Variants in NCOA3 observed in about 807,000 individuals in gnomAD.
NCOA3 encodes nuclear receptor coactivator 3, also known as CBP-interacting protein.
In NCOA3, 51 loss-of-function variants were observed where a neutral mutation model predicts 158.8. The observed-to-expected ratio is 0.32, with a 90% CI of 0.26 to 0.41. NCOA3 has a LOEUF of 0.41. Among genes scored for constraint, NCOA3 ranks in the 10% least tolerant of loss-of-function variants. The pLI, the probability that NCOA3 is intolerant of heterozygous loss-of-function variation, is 1.00. For synonymous variants in NCOA3, 537 were observed against 592.4 expected, an observed-to-expected ratio of 0.91 and a Z score of 1.36; for missense variants, 1,510 against 1,746.6, an observed-to-expected ratio of 0.86 and a Z score of 2.41.
intron 1 of NCOA3, among the ~76,000 whole-genome samples, chr20:47,557,911 T>A (rs574484009): frequency 6.6e-6 from 1 of 152,244 alleles, no homozygotes; most frequent in South Asian, 2.1e-4. Context: ...CAAATTTATT[T>A]TCTTAGAGTT....
chr20:47,584,042 C>T (rs1377739420), intron 2 of NCOA3, among the ~76,000 whole-genome samples: 1 of 152,160 alleles, frequency 6.6e-6, no homozygotes, highest in Non-Finnish European at 1.5e-5. Context: ...CAACTATGAT[C>T]CTAGCACTTT....
rs2086201826 is a variant in NCOA3 at position 47,619,635 on chromosome 20, AC to A, written c.-19-2591del. ...ACTTCAGCCTGGGTGACACAGTAAG[AC>A]CCTGTCTTTAAAAAAAAAAAAAAAA... is the stretch of plus-strand genomic sequence containing the variant. On this transcript the variant is annotated intron_variant, in intron 2 of 22. Transcript: ENST00000371998. Among the ~76,000 whole-genome samples the A allele has an allele frequency of 2.0e-5, 3 of 148,944 alleles. No homozygotes were observed. The Admixed American group carries it at 2.0e-4, about 10-fold the overall frequency.
chr20:47,550,843 A>G (rs1047618858), intron 1 of NCOA3, among the ~76,000 whole-genome samples: 4 of 152,200 alleles, frequency 2.6e-5, no homozygotes, highest in Non-Finnish European at 5.9e-5. Flanking sequence ...ATTCACTGAC[A>G]GTGAAAAGTG....
rs114728668 is a variant in NCOA3, at chr20:47,640,354, G to A, written c.3080+303G>A. The stretch of plus-strand genomic sequence containing the variant: ...ATTGTCTCTCTAGTCCCATGAGGAG[G>A]GGAAAAAAGATAAGTACATGTTTCT... On this transcript the variant is annotated intron_variant, in intron 16 of 22. Transcript: ENST00000371998. Among the ~76,000 whole-genome samples, 227 of 152,120 alleles carry A rather than the reference G, an allele frequency of 1.5e-3. 2 individuals carry two copies. Among genetic ancestry groups the A allele is most frequent in the African/African-American group, 5.1e-3 (213 of 41,514 alleles).
chr20:47,534,918 C>CTT (rs902141620), intron 1 of NCOA3, among the ~76,000 whole-genome samples: 1 of 146,924 alleles, frequency 6.8e-6, no homozygotes. Context: ...CCATCTCTCT[C>CTT]TTTTTTTTTT....
At position 47,647,320 on chromosome 20, in the gene NCOA3, C is replaced by A. The variant is rs370656650; in HGVS notation, c.3500C>A (p.Pro1167His). ...ATCATGAGACCCCGGACAAACACCC[C>A]CAAGCAACTTAGAATGCAGCTTCAG... ...ANIMRPRTNT[P>H]KQLRMQLQQR... Residue 1167 changes from proline (P) to histidine (H), a missense_variant, in exon 18 of 23, where the codon CCC (proline) becomes CAC (histidine). Physicochemically the swap from Pro to His is moderately conservative, Grantham distance 77. This residue lies in a region of NCOA3 where 1,017 missense variants were observed against 1,098.3 expected (regional missense o/e 0.93). Coordinates refer to ENST00000371998, the MANE Select transcript of NCOA3 (RefSeq NM_181659.3). 3.1e-6 allele frequency: 5 copies of A among 1,614,200 alleles called. No individual in the cohort carries two copies. The highest frequency in any genetic ancestry group is 3.3e-5 in the Admixed American group (2 of 60,026).
chr20:47,639,619 C>T lies in NCOA3; in HGVS notation c.2750C>T (p.Ser917Leu), dbSNP rs191706244. 2.9e-5 allele frequency: 47 copies of T among 1,613,808 alleles called. No individual in the cohort carries two copies. The Admixed American group carries it at 6.8e-4, about 23-fold the overall frequency. ...GTGACTGTGACTCAGACTCCTTCCT[C>T]AGGAGACTGGGGCTTACCAAACTCA... ...RNVTVTQTPS[S>L]GDWGLPNSKA... Residue 917 changes from serine to leucine, a missense_variant, in exon 15 of 23, where the codon TCA becomes TTA. Ser to Leu is a moderately radical substitution (Grantham distance 145). Around this residue, in one of 4 missense-constraint regions of NCOA3, gnomAD observed 1,017 missense variants for 1,098.3 expected, o/e 0.93. Coordinates refer to ENST00000371998, the MANE Select transcript of NCOA3 (RefSeq NM_181659.3).
At chr20:47,568,795 C>CAA (rs567712171) in intron 1 of NCOA3, among the ~76,000 whole-genome samples, 6 of 135,116 alleles carry the variant, frequency 4.4e-5, no homozygotes, top group African/African-American at 8.2e-5. Context: ...GACTCTGTCT[C>CAA]AAAAAAAAAA....
intron 1 of NCOA3, among the ~76,000 whole-genome samples, chr20:47,534,606 T>G (rs2084603076): frequency 6.6e-6 from 1 of 152,226 alleles, no homozygotes; most frequent in Non-Finnish European, 1.5e-5. Context: ...TACTTTAGAT[T>G]ACTGACATCT....
At chr20:47,541,075 T>C (rs34912448) in intron 1 of NCOA3, among the ~76,000 whole-genome samples, 31,150 of 151,832 alleles carry the variant, frequency 0.21, 3,693 homozygotes, top group Middle Eastern at 0.3. Flanking sequence ...CTACATGTAT[T>C]TGCTTCTATT....
At position 47,622,334 on chromosome 20, in the gene NCOA3, G is replaced by A; in HGVS notation, c.83+4G>A. On this transcript the variant is annotated splice_donor_region_variant and intron_variant, in intron 3 of 22. Coordinates refer to ENST00000371998, the MANE Select transcript of NCOA3 (RefSeq NM_181659.3). ...CATGTGATACTCCAGGACAAGGGTA[G>A]GTGACTTATTTCCTGGTGCTTTACC... The A allele has an allele frequency of 6.3e-7, 1 of 1,576,924 alleles. No individual in the cohort carries two copies. Among genetic ancestry groups the A allele is most frequent in the Non-Finnish European group, 8.6e-7 (1 of 1,159,162 alleles).
Position 47,636,255 on chromosome 20 carries a change from G to T in NCOA3, c.1869G>T (p.Gln623His). Residue 623 changes from glutamine to histidine, a missense_variant, in exon 12 of 23, where the codon CAG becomes CAT. Physicochemically the swap from Gln to His is conservative, Grantham distance 24. This residue lies in a region of NCOA3 where 1,017 missense variants were observed against 1,098.3 expected (regional missense o/e 0.93). Transcript: ENST00000371998. ...LESKGHKKLL[Q>H]LLTCSSDDRG... ...GCAAAGGTCATAAAAAATTACTGCA[G>T]TTACTTACCTGTTCTTCTGATGACC... is the stretch of plus-strand genomic sequence containing the variant. 1 of 1,614,182 alleles carries T rather than the reference G, an allele frequency of 6.2e-7. No individual in the cohort carries two copies. Among genetic ancestry groups the T allele is most frequent in the Non-Finnish European group, 8.5e-7 (1 of 1,180,034 alleles).
rs2086817867 is a variant in NCOA3 at position 47,652,794 on chromosome 20, AG to A, written c.4122-135del. 1.3e-5 allele frequency: 14 copies of A among 1,082,640 alleles called. No individual in the cohort carries two copies. The South Asian group carries it at 1.6e-4, about 12-fold the overall frequency. 67.1% of individuals were successfully genotyped at this position (1,082,640 alleles called of 1,614,324 possible). On this transcript the variant is annotated intron_variant, in intron 21 of 22. Coordinates refer to ENST00000371998, the MANE Select transcript of NCOA3 (RefSeq NM_181659.3). The stretch of plus-strand genomic sequence containing the variant: ...CAGAAAGCTGTGAAAAATGGATCAC[AG>A]GCTGTCAGGGAGTTTTCTCTAACAT...
Position 47,654,780 on chromosome 20 carries a change from A to T in NCOA3, c.*1363A>T, listed in dbSNP as rs1311401897. 1 of 152,170 alleles carries T rather than the reference A, an allele frequency of 6.6e-6. No homozygotes were observed. Among genetic ancestry groups the T allele is most frequent in the Admixed American group, 6.6e-5 (1 of 15,258 alleles). 9.4% of individuals were successfully genotyped at this position (152,170 alleles called of 1,614,324 possible). A position where few individuals can be genotyped will look rare whatever the true frequency, so the allele number is the denominator to read the frequency against. On this transcript the variant is annotated 3_prime_UTR_variant, in exon 23 of 23. Coordinates refer to ENST00000371998, the MANE Select transcript of NCOA3 (RefSeq NM_181659.3). The stretch of plus-strand genomic sequence containing the variant: ...AAACTTAAAAAAAAATCAGGAATTT[A>T]AAAAAACGAGCAATTTGAAGAGAAT...
At chr20:47,526,880 T>A (rs1042065471) in intron 1 of NCOA3, among the ~76,000 whole-genome samples, 10 of 152,178 alleles carry the variant, frequency 6.6e-5, no homozygotes, top group Non-Finnish European at 1.0e-4. Context: ...TGACCTCAGG[T>A]GATCCACCTG....
intron 1 of NCOA3, among the ~76,000 whole-genome samples, chr20:47,557,285 A>T (rs2085022277): frequency 6.6e-6 from 1 of 152,190 alleles, no homozygotes; most frequent in African/African-American, 2.4e-5. Context: ...TTTTCTTGGG[A>T]TGATGATCTT....
intron 17 of NCOA3, among the ~76,000 whole-genome samples, chr20:47,643,555 G>C (rs909516155): frequency 6.6e-6 from 1 of 152,024 alleles, no homozygotes; most frequent in African/African-American, 2.4e-5. Flanking sequence ...AGTTCTCTCT[G>C]TTTTACTGTG....
chr20:47,506,623 A>T (rs189133678), intron 1 of NCOA3, among the ~76,000 whole-genome samples: 1 of 152,370 alleles, frequency 6.6e-6, no homozygotes, highest in East Asian at 1.9e-4. Flanking sequence ...ACTGTGTAGT[A>T]AACTTTGTGG....
chr20:47,570,939 T>TACACACACACACACACACAC (rs71183265), intron 1 of NCOA3, among the ~76,000 whole-genome samples: 1 of 114,872 alleles, frequency 8.7e-6, no homozygotes, highest in African/African-American at 3.5e-5. Flanking sequence ...GTAATATATA[T>TACACACACACACACACACAC]ACACACACAC....
Sources: gnomAD v4.1 joint callset for allele counts (sites outside exome capture counted in the v4.1 genomes callset) on GRCh38, gnomAD v4.1.1 for gene constraint, gnomAD v4.1.1 regional missense constraint, MANE v1.5 for transcripts, NCBI Gene and HGNC (gene_info 2026-07-23, HGNC 2026-07-21) for gene names.